SPON1: variants seen among roughly 807,000 people sequenced by gnomAD.
SPON1 encodes the protein spondin 1, also known as spondin-1.
A neutral mutation model predicts 111.7 loss-of-function variants in SPON1; 52 were observed. The ratio of observed to expected loss-of-function variants is 0.47; its 90% CI spans 0.37 to 0.59. SPON1 has a LOEUF of 0.59. Among genes scored for constraint, SPON1 ranks in the 20% least tolerant of loss-of-function variants. The pLI, the probability that SPON1 is intolerant of heterozygous loss-of-function variation, is 0.00. For synonymous variants in SPON1, 410 were observed against 395.8 expected, an observed-to-expected ratio of 1.04 and a Z score of -0.43; for missense variants, 957 against 1,068.5, an observed-to-expected ratio of 0.90 and a Z score of 1.46.
intron 5 of SPON1, among the ~76,000 whole-genome samples, chr11:14,131,145 T>G (rs1232180236): frequency 6.6e-6 from 1 of 152,172 alleles, no homozygotes; most frequent in Admixed American, 6.5e-5. Context: ...TTCATCTAAT[T>G]TCTTTGTTTC....
intron 2 of SPON1, among the ~76,000 whole-genome samples, chr11:13,999,781 G>C (rs782579978): frequency 2.0e-5 from 3 of 152,174 alleles, no homozygotes; most frequent in Non-Finnish European, 4.4e-5. Flanking sequence ...TGCTTTTAGA[G>C]AGTATATAAC....
intron 5 of SPON1, among the ~76,000 whole-genome samples, chr11:14,083,068 A>C (rs1554922209): frequency 6.6e-6 from 1 of 152,200 alleles, no homozygotes; most frequent in East Asian, 1.9e-4. Context: ...AAATTGAAAA[A>C]TATTATTTAT....
intron 3 of SPON1, among the ~76,000 whole-genome samples, chr11:14,045,529 G>A (rs1554917757): frequency 2.6e-5 from 4 of 151,746 alleles, no homozygotes; most frequent in Non-Finnish European, 4.4e-5. Context: ...AGTTAGCTGA[G>A]ATCCTGCCAC....
chr11:14,137,672 A>G (rs933203539), intron 6 of SPON1, among the ~76,000 whole-genome samples: 3 of 152,176 alleles, frequency 2.0e-5, no homozygotes, highest in African/African-American at 7.2e-5. Flanking sequence ...ACCTGAGGCC[A>G]CTTGTTTGAA....
chr11:14,045,511 G>T (rs528396221), intron 3 of SPON1, among the ~76,000 whole-genome samples: 5 of 152,124 alleles, frequency 3.3e-5, no homozygotes, highest in African/African-American at 1.2e-4. Context: ...CCAGGAGATG[G>T]AGGTTGCAGT....
intron 2 of SPON1, among the ~76,000 whole-genome samples, chr11:13,988,822 T>G (rs1554910730): frequency 6.6e-6 from 1 of 152,236 alleles, no homozygotes; most frequent in Admixed American, 6.5e-5. Context: ...TTTTTTGTCA[T>G]TGGTTCTGTT....
At chr11:14,217,231 G>A (rs552156647) in intron 6 of SPON1, among the ~76,000 whole-genome samples, 2 of 152,288 alleles carry the variant, frequency 1.3e-5, no homozygotes, top group African/African-American at 4.8e-5. Context: ...AGTGCTCACA[G>A]TTCGGTTGTT....
chr11:13,976,402 T>C (rs1421840315), intron 1 of SPON1, among the ~76,000 whole-genome samples: 1 of 152,212 alleles, frequency 6.6e-6, no homozygotes, highest in African/African-American at 2.4e-5. Flanking sequence ...AAGGAAGTTG[T>C]ATAATGAGGT....
chr11:14,095,734 AC>A (rs1849095597), intron 5 of SPON1, among the ~76,000 whole-genome samples: 1 of 152,186 alleles, frequency 6.6e-6, no homozygotes, highest in Non-Finnish European at 1.5e-5. Flanking sequence ...GCCCACCCAC[AC>A]GGGGGATGGA....
intron 6 of SPON1, among the ~76,000 whole-genome samples, chr11:14,184,007 C>G (rs1422652965): frequency 6.6e-6 from 1 of 152,078 alleles, no homozygotes; most frequent in African/African-American, 2.4e-5. Flanking sequence ...CCTGAGGGAC[C>G]TTAGTTTCCC....
At chr11:14,121,567 A>C (rs1350820151) in intron 5 of SPON1, among the ~76,000 whole-genome samples, 1 of 152,194 alleles carries the variant, frequency 6.6e-6, no homozygotes, top group Non-Finnish European at 1.5e-5. Flanking sequence ...AGAACAAAGC[A>C]TTGATGGAAG....
At position 14,152,180 on chromosome 11, in the gene SPON1, T is replaced by A. The variant is rs566524706; in HGVS notation, c.825+16612T>A. Among the ~76,000 whole-genome samples the A allele has an allele frequency of 5.9e-5, 9 of 152,338 alleles. No homozygotes were observed. The East Asian group carries it at 1.2e-3, about 20-fold the overall frequency. On this transcript the variant is annotated intron_variant, in intron 6 of 15. Transcript: ENST00000576479. ...ATATGTCTCATAGTACATTGAGAAGTGTCTGTTGAATTGAGTTGAATGCTT... is the reference window on the plus strand; with the variant it reads ...ATATGTCTCATAGTACATTGAGAAGAGTCTGTTGAATTGAGTTGAATGCTT...
At chr11:14,098,194 C>T (rs2133842145) in intron 5 of SPON1, among the ~76,000 whole-genome samples, 1 of 152,312 alleles carries the variant, frequency 6.6e-6, no homozygotes, top group African/African-American at 2.4e-5. Flanking sequence ...GACGGGGTTT[C>T]ACCGTGTTAG....
chr11:13,991,499 C>G (rs1238822891), intron 2 of SPON1, among the ~76,000 whole-genome samples: 1 of 152,154 alleles, frequency 6.6e-6, no homozygotes, highest in East Asian at 1.9e-4. Context: ...AGGTTCTTAG[C>G]TTCCTTGCAT....
chr11:14,022,926 C>G (rs1261176143), intron 2 of SPON1, among the ~76,000 whole-genome samples: 1 of 152,190 alleles, frequency 6.6e-6, no homozygotes, highest in Non-Finnish European at 1.5e-5. Flanking sequence ...ACTGGAAAAC[C>G]AGCTGCCACG....
At chr11:14,260,245 G>C (rs1034496656) in intron 13 of SPON1, among the ~76,000 whole-genome samples, 1 of 152,180 alleles carries the variant, frequency 6.6e-6, no homozygotes, top group African/African-American at 2.4e-5. Context: ...CTCTCCTTTA[G>C]TGCCTGATTC....
At chr11:14,155,142 C>T (rs1468861079) in intron 6 of SPON1, among the ~76,000 whole-genome samples, 1 of 152,204 alleles carries the variant, frequency 6.6e-6, no homozygotes, top group African/African-American at 2.4e-5. Context: ...AACTTTCCCT[C>T]ATCTTCCTAT....
chr11:14,015,890 C>T (rs139560092), intron 2 of SPON1, among the ~76,000 whole-genome samples: 20 of 152,262 alleles, frequency 1.3e-4, no homozygotes, highest in Non-Finnish European at 2.8e-4. Context: ...CCTTATCTGA[C>T]CGGCTCATAG....
chr11:14,230,175 C>G (rs1554938514), intron 6 of SPON1, among the ~76,000 whole-genome samples: 2 of 152,144 alleles, frequency 1.3e-5, no homozygotes, highest in African/African-American at 2.4e-5. Flanking sequence ...AAGCAGCATT[C>G]CCAGGATCCT....
Sources: allele counts gnomAD v4.1 joint callset (sites outside exome capture counted in the v4.1 genomes callset), GRCh38; gene constraint gnomAD v4.1.1; transcripts MANE v1.5; gene names NCBI Gene and HGNC (gene_info 2026-07-23, HGNC 2026-07-21).